CACHD1: variants seen among roughly 807,000 people sequenced by gnomAD.
CACHD1 encodes cache domain containing 1, also known as VWFA and cache domain-containing protein 1.
In CACHD1, 71 loss-of-function variants were observed where a neutral mutation model predicts 138.7. The observed-to-expected ratio is 0.51, with a 90% CI of 0.42 to 0.62. The LOEUF (loss-of-function observed/expected upper bound fraction) is 0.62, where lower values mean the gene tolerates loss of function less well. CACHD1 is among the 20% of genes least tolerant of loss of function. The probability of loss-of-function intolerance (pLI) is 0.00; values close to 1 mark genes in which losing one functional copy is unlikely to be tolerated. For missense variants in CACHD1, 1,389 were observed against 1,625.3 expected, an observed-to-expected ratio of 0.85 and a Z score of 2.50; for synonymous variants, 578 against 591.5, an observed-to-expected ratio of 0.98 and a Z score of 0.33.
chr1:64,614,127 G>T (rs1647626699), intron 4 of CACHD1, among the ~76,000 whole-genome samples: 1 of 152,198 alleles, frequency 6.6e-6, no homozygotes, highest in Non-Finnish European at 1.5e-5. Context: ...CCACGTAAGG[G>T]TATGAATAAA....
chr1:64,642,694 C>A (rs564799936), intron 8 of CACHD1, among the ~76,000 whole-genome samples: 60 of 152,092 alleles, frequency 3.9e-4, no homozygotes, highest in African/African-American at 1.4e-3. Context: ...TCTCCCATGA[C>A]ATCTTTAGGC....
chr1:64,588,879 G>T (rs765199587), intron 3 of CACHD1, among the ~76,000 whole-genome samples: 18 of 152,084 alleles, frequency 1.2e-4, no homozygotes, highest in Admixed American at 2.0e-4. Context: ...TCTTTTTTGT[G>T]TCTCCAAGTG....
In CACHD1 at chr1:64,542,988, A is replaced by AACACAC. The variant is rs111903627; in HGVS notation, c.199-7587_199-7582dup. Among the ~76,000 whole-genome samples the AACACAC allele has an allele frequency of 5.4e-3, 800 of 147,966 alleles. 15 individuals are homozygous for AACACAC. Among genetic ancestry groups the AACACAC allele is most frequent in the African/African-American group, 0.019 (776 of 40,626 alleles). ...TACATAGTACATCCACACACACATC[A>AACACAC]ACACACACACACACACACACACACG... is the stretch of plus-strand genomic sequence containing the variant. On this transcript the variant is annotated intron_variant, in intron 1 of 26. Transcript: ENST00000651257.
At chr1:64,510,129 T>C (rs1257175378) in intron 1 of CACHD1, among the ~76,000 whole-genome samples, 1 of 152,208 alleles carries the variant, frequency 6.6e-6, no homozygotes, top group Non-Finnish European at 1.5e-5. Flanking sequence ...AGGTGAATTC[T>C]CAGTGCTGGT....
intron 23 of CACHD1, among the ~76,000 whole-genome samples, chr1:64,679,201 T>C (rs1277670442): frequency 1.3e-5 from 2 of 152,206 alleles, no homozygotes; most frequent in African/African-American, 4.8e-5. Flanking sequence ...CGCATATTTA[T>C]TGGACCTGGT....
At chr1:64,492,304 A>G (rs1232501830) in intron 1 of CACHD1, among the ~76,000 whole-genome samples, 4 of 146,950 alleles carry the variant, frequency 2.7e-5, no homozygotes, top group Non-Finnish European at 6.0e-5. Context: ...TGTTGCTTGA[A>G]GAATAACGGC....
intron 3 of CACHD1, among the ~76,000 whole-genome samples, chr1:64,583,644 A>G (rs1368922080): frequency 2.0e-5 from 3 of 152,246 alleles, no homozygotes; most frequent in Non-Finnish European, 4.4e-5. Flanking sequence ...ATAAAGACAT[A>G]CTTTAGACTG....
intron 1 of CACHD1, among the ~76,000 whole-genome samples, chr1:64,534,169 G>T (rs1027241398): frequency 2.6e-5 from 4 of 151,744 alleles, no homozygotes; most frequent in African/African-American, 9.7e-5. Context: ...TCAGCCTCTG[G>T]AGTAGCTGGG....
At position 64,666,136 on chromosome 1, in the gene CACHD1, G is replaced by A; in HGVS notation, c.2356G>A (p.Val786Met). 6.2e-6 allele frequency: 10 copies of A among 1,609,232 alleles called. No individual in the cohort carries two copies. The highest frequency in any genetic ancestry group is 8.5e-6 in the Non-Finnish European group (10 of 1,176,160). The change falls in exon 16 of 27, where the codon GTG becomes ATG. Residue 786 changes from valine (V) to methionine (M), a missense_variant. By Grantham distance (21) the Val-to-Met change is conservative. This residue lies in a region of CACHD1 where 1,000 missense variants were observed against 1,114.7 expected (regional missense o/e 0.90). Coordinates refer to ENST00000651257, the MANE Select transcript of CACHD1 (RefSeq NM_020925.4). ...YLDVGGAGYVVTISHTIHSSS... is the reference protein window; with the variant it reads ...YLDVGGAGYVMTISHTIHSSS... ...AGATGTTGGAGGAGCTGGTTATGTTGTGACAATCAGTCACACAATTCATTC... is the reference window on the plus strand; with the variant it reads ...AGATGTTGGAGGAGCTGGTTATGTTATGACAATCAGTCACACAATTCATTC...
intron 4 of CACHD1, among the ~76,000 whole-genome samples, chr1:64,618,080 CAA>C (rs11418731): frequency 1.4e-4 from 20 of 144,280 alleles, no homozygotes; most frequent in South Asian, 2.2e-4. Flanking sequence ...AACTCAGTCT[CAA>C]AAAAAAAAAA....
chr1:64,540,919 C>T (rs1405551803), intron 1 of CACHD1, among the ~76,000 whole-genome samples: 5 of 152,142 alleles, frequency 3.3e-5, no homozygotes, highest in Admixed American at 2.6e-4. Context: ...TAAATGCCAC[C>T]GGACTAAGGA....
intron 2 of CACHD1, among the ~76,000 whole-genome samples, chr1:64,554,041 GT>G (rs1035707704): frequency 6.6e-6 from 1 of 151,944 alleles, no homozygotes; most frequent in Non-Finnish European, 1.5e-5. Context: ...TTGTTGTTTT[GT>G]TTTTTAAGAG....
At chr1:64,563,780 T>A (rs1646860436) in intron 2 of CACHD1, 1 of 152,204 alleles carries the variant, frequency 6.6e-6, no homozygotes, top group Admixed American at 6.5e-5. Flanking sequence ...AAGAGCCTCA[T>A]CTTTTGAGAT....
chr1:64,650,414 T>G (rs1024425273), intron 9 of CACHD1, among the ~76,000 whole-genome samples: 2 of 152,200 alleles, frequency 1.3e-5, no homozygotes, highest in African/African-American at 4.8e-5. Flanking sequence ...AACCTATTTA[T>G]CCTGGGAGAC....
intron 4 of CACHD1, among the ~76,000 whole-genome samples, chr1:64,628,049 T>G (rs1328214697): frequency 6.6e-6 from 1 of 152,230 alleles, no homozygotes; most frequent in African/African-American, 2.4e-5. Flanking sequence ...CAATGCAATC[T>G]GAAGATAAGA....
intron 1 of CACHD1, among the ~76,000 whole-genome samples, chr1:64,539,536 T>A (rs1387822217): frequency 6.6e-6 from 1 of 152,160 alleles, no homozygotes; most frequent in East Asian, 1.9e-4. Flanking sequence ...CTCTAGAATG[T>A]GAACTTTTTC....
At chr1:64,565,663 A>G (rs1223194486) in intron 2 of CACHD1, among the ~76,000 whole-genome samples, 2 of 152,246 alleles carry the variant, frequency 1.3e-5, no homozygotes, top group Non-Finnish European at 2.9e-5. Flanking sequence ...TTTCTGAAAG[A>G]GAGCCTGAGA....
At chr1:64,541,586 T>C (rs1646677542) in intron 1 of CACHD1, among the ~76,000 whole-genome samples, 1 of 152,164 alleles carries the variant, frequency 6.6e-6, no homozygotes, top group Non-Finnish European at 1.5e-5. Context: ...AGTGGACAGA[T>C]TGCTTGAGCC....
intron 2 of CACHD1, among the ~76,000 whole-genome samples, chr1:64,556,017 T>G (rs1646794225): frequency 6.6e-6 from 1 of 152,232 alleles, no homozygotes; most frequent in Non-Finnish European, 1.5e-5. Flanking sequence ...TTTTGAAATC[T>G]GGTTGGGTAA....
Sources: gnomAD v4.1 joint callset for allele counts (sites outside exome capture counted in the v4.1 genomes callset) on GRCh38, gnomAD v4.1.1 for gene constraint, gnomAD v4.1.1 regional missense constraint, MANE v1.5 for transcripts, NCBI Gene and HGNC (gene_info 2026-07-23, HGNC 2026-07-21) for gene names.